SSBP1: variants seen among roughly 807,000 people sequenced by gnomAD.
SSBP1 encodes single-stranded DNA-binding protein, mitochondrial.
A neutral mutation model predicts 27.0 loss-of-function variants in SSBP1; 20 were observed. That is an observed-to-expected ratio of 0.74 (90% CI 0.52 to 1.08). SSBP1 has a LOEUF of 1.08. Among genes scored for constraint, SSBP1 ranks in the 50% least tolerant of loss-of-function variants. The pLI, the probability that SSBP1 is intolerant of heterozygous loss-of-function variation, is 0.00. For missense variants in SSBP1, 137 were observed against 182.4 expected, an observed-to-expected ratio of 0.75 and a Z score of 1.44; for synonymous variants, 59 against 59.3, an observed-to-expected ratio of 1.00 and a Z score of 0.02.
intron 3 of SSBP1, among the ~76,000 whole-genome samples, chr7:141,743,290 C>G (rs1799634447): frequency 1.3e-5 from 2 of 152,220 alleles, no homozygotes; most frequent in South Asian, 4.1e-4. Flanking sequence ...TATGATTGAG[C>G]TCTTGGCGAG....
At chr7:141,740,089 CTG>C (rs1474726028) in intron 2 of SSBP1, 1 of 152,158 alleles carries the variant, frequency 6.6e-6, no homozygotes, top group East Asian at 1.9e-4. Flanking sequence ...TTATAAATCT[CTG>C]TGTAAGATTT....
At chr7:141,745,283 G>A (rs1318465100) in intron 5 of SSBP1, among the ~76,000 whole-genome samples, 1 of 152,144 alleles carries the variant, frequency 6.6e-6, no homozygotes, top group Admixed American at 6.5e-5. Context: ...GCTGACAGAT[G>A]AAAACATTGT....
At chr7:141,748,901 C>G (rs1010471190) in intron 6 of SSBP1, among the ~76,000 whole-genome samples, 11 of 152,100 alleles carry the variant, frequency 7.2e-5, no homozygotes, top group Non-Finnish European at 5.9e-5. Flanking sequence ...GTAGTTTGTT[C>G]TGAAGTAACC....
At position 141,742,168 on chromosome 7, in the gene SSBP1, G is replaced by A. The variant is rs1428957265; in HGVS notation, c.25-1G>A. On this transcript the variant is annotated splice_acceptor_variant, in intron 2 of 6. Transcript: ENST00000265304. LOFTEE classifies it high-confidence loss of function. ...CATGTTATTCATTTGTTCTTCTTTAGGTACTTCGTCAGTTTGTAAGACATG... is the reference window on the plus strand; with the variant it reads ...CATGTTATTCATTTGTTCTTCTTTAAGTACTTCGTCAGTTTGTAAGACATG... The A allele has an allele frequency of 6.3e-7, 1 of 1,597,774 alleles. No individual in the cohort carries two copies. The highest frequency in any genetic ancestry group is 8.6e-7 in the Non-Finnish European group (1 of 1,167,090).
At chr7:141,743,353 T>C (rs531333436) in intron 3 of SSBP1, among the ~76,000 whole-genome samples, 3 of 152,346 alleles carry the variant, frequency 2.0e-5, no homozygotes, top group African/African-American at 7.2e-5. Flanking sequence ...CTTCATATGG[T>C]AGAGACAGAA....
intron 5 of SSBP1, among the ~76,000 whole-genome samples, 180 bp downstream of exon 5, chr7:141,744,169 T>C (rs1047364627): frequency 5.9e-5 from 9 of 151,866 alleles, no homozygotes; most frequent in African/African-American, 2.2e-4. Flanking sequence ...CATGTGTGAC[T>C]AATTTGAAGA....
Position 141,743,968 on chromosome 7 carries a change from C to T in SSBP1, c.293C>T (p.Ala98Val). 1.2e-6 allele frequency: 2 copies of T among 1,612,900 alleles called. No individual in the cohort carries two copies. Among genetic ancestry groups the T allele is most frequent in the Non-Finnish European group, 1.7e-6 (2 of 1,179,878 alleles). ...SVFRPGLRDVAYQYVKKGSRI... is the reference protein window; with the variant it reads ...SVFRPGLRDVVYQYVKKGSRI... ...TTCCGGCCAGGCCTCAGAGACGTGG[C>T]ATATCAATATGTGAAAAAGGGGTAA... The change falls in exon 5 of 7, where the codon GCA (alanine) becomes GTA (valine). Residue 98 changes from alanine (A) to valine (V), a missense_variant. By Grantham distance (64) the Ala-to-Val change is moderately conservative. Coordinates refer to ENST00000265304, the MANE Select transcript of SSBP1 (RefSeq NM_003143.3).
chr7:141,740,065 A>G (rs1204386450), intron 2 of SSBP1: 1 of 152,200 alleles, frequency 6.6e-6, no homozygotes, highest in Middle Eastern at 3.2e-3. Flanking sequence ...TGTGCCCCAA[A>G]TGAGACATTG....
chr7:141,742,274 TGC>T (rs770401158), intron 3 of SSBP1, 45 bp downstream of exon 3: 5 of 1,466,076 alleles, frequency 3.4e-6, no homozygotes, highest in Non-Finnish European at 4.8e-6. Flanking sequence ...TTTAGTAATT[TGC>T]CAATCTCAAA....
At chr7:141,746,292 A>G (rs767669434) in intron 6 of SSBP1, 8 of 152,130 alleles carry the variant, frequency 5.3e-5, no homozygotes, top group Non-Finnish European at 1.2e-4. Flanking sequence ...AAGTTGTGAG[A>G]TTACAGGCAT....
intron 6 of SSBP1, among the ~76,000 whole-genome samples, chr7:141,749,850 T>TA (rs1799902400): frequency 6.6e-6 from 1 of 152,220 alleles, no homozygotes; most frequent in Admixed American, 6.5e-5. Context: ...TTTTTAAAGT[T>TA]AAAAACGTAA....
chr7:141,744,380 C>T (rs1301988842), intron 5 of SSBP1, among the ~76,000 whole-genome samples: 1 of 152,198 alleles, frequency 6.6e-6, no homozygotes, highest in Non-Finnish European at 1.5e-5. Flanking sequence ...TTGGCTGCCA[C>T]ATGGTATTTC....
At chr7:141,746,111 C>T (rs538769153) in intron 6 of SSBP1, 5 of 357,408 alleles carry the variant, frequency 1.4e-5, no homozygotes, top group Admixed American at 6.4e-5. Flanking sequence ...ACCTCTGTCT[C>T]CTGGATTCAA....
chr7:141,748,256 A>G (rs1799855596), intron 6 of SSBP1, among the ~76,000 whole-genome samples: 1 of 152,100 alleles, frequency 6.6e-6, no homozygotes, highest in Non-Finnish European at 1.5e-5. Flanking sequence ...CTACCGTGCT[A>G]TTATCACACC....
chr7:141,743,364 A>C (rs1799638647), intron 3 of SSBP1, among the ~76,000 whole-genome samples, 197 bp from the exon 4 acceptor site: 1 of 152,212 alleles, frequency 6.6e-6, no homozygotes, highest in African/African-American at 2.4e-5. Context: ...AGAGACAGAA[A>C]GTTCTGAACT....
Position 141,743,643 on chromosome 7 carries a change from A to G in SSBP1, c.168A>G (p.Ile56Met), listed in dbSNP as rs868577257. The change falls in exon 4 of 7, where the codon ATA (isoleucine) becomes ATG (methionine). Residue 56 changes from isoleucine to methionine, a missense_variant. Around this residue, in one of 2 missense-constraint regions of SSBP1, gnomAD observed 95 missense variants for 152.0 expected, o/e 0.62. Transcript: ENST00000265304. Reference protein sequence around the residue: ...RQVEGKNPVTIFSLATNEMWR... With the variant: ...RQVEGKNPVTMFSLATNEMWR... ...TGGAAGGAAAAAATCCAGTCACAAT[A>G]TTTTCTCTAGCAACTAATGAGATGT... The G allele has an allele frequency of 6.2e-7, 1 of 1,614,074 alleles. No homozygotes were observed.
At chr7:141,743,073 T>A (rs1468307585) in intron 3 of SSBP1, among the ~76,000 whole-genome samples, 1 of 152,190 alleles carries the variant, frequency 6.6e-6, no homozygotes, top group Non-Finnish European at 1.5e-5. Flanking sequence ...CAGCATGGTC[T>A]CTCTCTCCTG....
At position 141,743,542 on chromosome 7, in the gene SSBP1, T is replaced by G. The variant is rs1394297314; in HGVS notation, c.86-19T>G. The G allele has an allele frequency of 6.2e-7, 1 of 1,613,020 alleles. No individual in the cohort carries two copies. On this transcript the variant is annotated intron_variant, in intron 3 of 6. Coordinates refer to ENST00000265304, the MANE Select transcript of SSBP1 (RefSeq NM_003143.3). ...GTCTATAGCAGGTTGTCTCATTTGG[T>G]CTTGATGTTGTGTTTCAGCCCTGAA...
At chr7:141,745,848 A>G (rs1414495694) in intron 6 of SSBP1, 2 of 1,166,746 alleles carry the variant, frequency 1.7e-6, no homozygotes, top group Non-Finnish European at 2.1e-6. Flanking sequence ...CCATCCCAGT[A>G]CTTATTGTTG....
Sources: gnomAD v4.1 joint callset for allele counts (sites outside exome capture counted in the v4.1 genomes callset) on GRCh38, gnomAD v4.1.1 for gene constraint, gnomAD v4.1.1 regional missense constraint, MANE v1.5 for transcripts, NCBI Gene and HGNC (gene_info 2026-07-23, HGNC 2026-07-21) for gene names.